The following STAG1 variants were observed in gnomAD, a reference collection of about 807,000 sequenced individuals.
STAG1 encodes the protein cohesin subunit SA-1.
In STAG1, 26 loss-of-function variants were observed where a neutral mutation model predicts 170.9. The observed-to-expected ratio is 0.15, with a 90% CI of 0.11 to 0.21. The LOEUF (loss-of-function observed/expected upper bound fraction) is 0.21. Ranked by LOEUF, STAG1 falls within the 10% of genes least tolerant of loss-of-function variation. The probability of loss-of-function intolerance (pLI) is 1.00; values close to 1 mark genes in which losing one functional copy is unlikely to be tolerated. For missense variants in STAG1, 964 were observed against 1,509.5 expected (o/e 0.64, Z 5.99); for synonymous variants, 514 against 497.7 (o/e 1.03, Z -0.44).
At chr3:136,357,972 T>G (rs1338010347) in intron 27 of STAG1, 124 bp from the exon 28 acceptor site, 1 of 758,702 alleles carries the variant, frequency 1.3e-6, no homozygotes, top group African/African-American at 1.8e-5. Flanking sequence ...TCTGATAAAT[T>G]CAAATAATAA....
At chr3:136,666,611 A>G (rs1941787690) in intron 1 of STAG1, among the ~76,000 whole-genome samples, 1 of 152,126 alleles carries the variant, frequency 6.6e-6, no homozygotes, top group African/African-American at 2.4e-5. Flanking sequence ...TGAGGTCAGG[A>G]GTTCAAGACC....
At chr3:136,442,902 C>G (rs771381654) in intron 15 of STAG1, among the ~76,000 whole-genome samples, 6 of 152,034 alleles carry the variant, frequency 3.9e-5, no homozygotes, top group Non-Finnish European at 8.8e-5. Flanking sequence ...GGCATGTGCC[C>G]ATAGTCTGAG....
intron 16 of STAG1, among the ~76,000 whole-genome samples, chr3:136,429,282 A>T (rs559885175): frequency 1.3e-5 from 2 of 152,012 alleles, no homozygotes; most frequent in East Asian, 3.9e-4. Flanking sequence ...TGGCGGGTGC[A>T]TGTAATCCCT....
chr3:136,478,689 C>T (rs1216432427), intron 9 of STAG1, among the ~76,000 whole-genome samples: 1 of 152,150 alleles, frequency 6.6e-6, no homozygotes, highest in Non-Finnish European at 1.5e-5. Flanking sequence ...CTCTAGGCTC[C>T]TGTCATTGCT....
At chr3:136,388,237 G>A (rs1229624161) in intron 22 of STAG1, among the ~76,000 whole-genome samples, 1 of 152,136 alleles carries the variant, frequency 6.6e-6, no homozygotes, top group Non-Finnish European at 1.5e-5. Context: ...GAAGCTCAAG[G>A]TGAAGTACCT....
chr3:136,407,581 C>G (rs1017698031), intron 21 of STAG1, among the ~76,000 whole-genome samples: 4 of 151,820 alleles, frequency 2.6e-5, no homozygotes, highest in African/African-American at 9.7e-5. Context: ...CATGCCTCAG[C>G]CTCTCAAGTA....
In STAG1 at chr3:136,452,135, T is replaced by A. The variant is rs2088959668; in HGVS notation, c.1326A>T (p.Arg442Ser). ...ATGCTTCTTCTGCTTGTGGGTCATG[T>A]CTGCTAAATAGCCTGGAAATGAAAA... ...GEFLHKKLFS[R>S]HDPQAEEALA... The change falls in exon 14 of 34, where the codon AGA becomes AGT. Residue 442 changes from arginine (R) to serine (S), a missense_variant. By Grantham distance (110) the Arg-to-Ser change is moderately radical. Around this residue, in one of 11 missense-constraint regions of STAG1, gnomAD observed 162 missense variants for 211.2 expected, o/e 0.77. Transcript: ENST00000383202. 1.9e-6 allele frequency: 3 copies of A among 1,612,368 alleles called. No homozygotes were observed. The highest frequency in any genetic ancestry group is 2.5e-6 in the Non-Finnish European group (3 of 1,179,164).
chr3:136,375,614 C>T (rs909628673), intron 23 of STAG1, among the ~76,000 whole-genome samples: 11 of 152,086 alleles, frequency 7.2e-5, no homozygotes, highest in African/African-American at 2.7e-4. Context: ...TTTTAACCAG[C>T]AGGCCATAGT....
At chr3:136,528,422 A>T (rs1232042257) in intron 6 of STAG1, among the ~76,000 whole-genome samples, 1 of 152,042 alleles carries the variant, frequency 6.6e-6, no homozygotes, top group Non-Finnish European at 1.5e-5. Flanking sequence ...AGGAAACAGG[A>T]AACATGAAAA....
chr3:136,391,850 C>T (rs968298894), intron 22 of STAG1, among the ~76,000 whole-genome samples: 1 of 152,170 alleles, frequency 6.6e-6, no homozygotes, highest in Non-Finnish European at 1.5e-5. Flanking sequence ...GTAAGACTGC[C>T]CCAGAGCTTC....
At chr3:136,535,067 T>C (rs1559865481) in intron 6 of STAG1, among the ~76,000 whole-genome samples, 1 of 152,196 alleles carries the variant, frequency 6.6e-6, no homozygotes, top group African/African-American at 2.4e-5. Flanking sequence ...TATTTGGTTA[T>C]AAAAAATTAA....
intron 4 of STAG1, among the ~76,000 whole-genome samples, chr3:136,575,517 C>T (rs561236760): frequency 1.4e-4 from 21 of 152,272 alleles, no homozygotes; most frequent in African/African-American, 5.1e-4. Context: ...ACAGAATATT[C>T]CAATGTGGAT....
intron 1 of STAG1, chr3:136,736,832 G>GC (rs1553774405): frequency 6.3e-7 from 1 of 1,583,636 alleles, no homozygotes; most frequent in African/African-American, 1.4e-5. Context: ...TTCCTTCTTT[G>GC]TTTTTTTCGC....
At chr3:136,399,483 T>G (rs999992739) in intron 21 of STAG1, among the ~76,000 whole-genome samples, 1 of 152,256 alleles carries the variant, frequency 6.6e-6, no homozygotes, top group Non-Finnish European at 1.5e-5. Context: ...AACGTAATCA[T>G]ACCATATGTA....
At chr3:136,556,972 C>T (rs933077856) in intron 5 of STAG1, among the ~76,000 whole-genome samples, 10 of 152,236 alleles carry the variant, frequency 6.6e-5, no homozygotes, top group South Asian at 2.1e-4. Flanking sequence ...ATGGCCGACG[C>T]CTGTAATCCC....
chr3:136,412,511 T>C (rs1485503522), intron 21 of STAG1, among the ~76,000 whole-genome samples: 1 of 152,170 alleles, frequency 6.6e-6, no homozygotes, highest in African/African-American at 2.4e-5. Context: ...AGGAGAAACT[T>C]TGCAGACCTC....
At chr3:136,570,322 C>T (rs1937223667) in intron 4 of STAG1, among the ~76,000 whole-genome samples, 1 of 152,010 alleles carries the variant, frequency 6.6e-6, no homozygotes, top group South Asian at 2.1e-4. Flanking sequence ...TTATTTCTTT[C>T]AAGCAAAGTT....
At chr3:136,668,945 C>T (rs563768965) in intron 1 of STAG1, among the ~76,000 whole-genome samples, 1 of 152,342 alleles carries the variant, frequency 6.6e-6, no homozygotes, top group South Asian at 2.1e-4. Flanking sequence ...AATTTTCCAA[C>T]TATGCTTGCT....
chr3:136,412,582 C>T (rs574996507), intron 21 of STAG1, among the ~76,000 whole-genome samples: 6 of 152,262 alleles, frequency 3.9e-5, no homozygotes, highest in Middle Eastern at 3.4e-3. Context: ...TCACGTGCCT[C>T]CTGATGTGAT....
Sources: allele counts gnomAD v4.1 joint callset (sites outside exome capture counted in the v4.1 genomes callset), GRCh38; gene constraint gnomAD v4.1.1; regional missense constraint gnomAD v4.1.1; transcripts MANE v1.5; gene names NCBI Gene and HGNC (gene_info 2026-07-23, HGNC 2026-07-21).